The following PPP6R3 variants were observed in gnomAD, a reference collection of about 807,000 sequenced individuals.
The protein encoded by PPP6R3 is protein phosphatase 6 regulatory subunit 3.
A neutral mutation model predicts 110.7 loss-of-function variants in PPP6R3; 38 were observed. The observed-to-expected ratio is 0.34, with a 90% confidence interval of 0.26 to 0.45. PPP6R3 has a LOEUF of 0.45. Ranked by LOEUF, PPP6R3 falls within the 20% of genes least tolerant of loss-of-function variation. The probability of loss-of-function intolerance (pLI) is 1.00; values close to 1 mark genes in which losing one functional copy is unlikely to be tolerated. For synonymous variants in PPP6R3, 369 were observed against 373.5 expected (o/e 0.99, Z 0.14); for missense variants, 870 against 1,062.4 (o/e 0.82, Z 2.52).
chr11:68,569,747 G>T lies in PPP6R3; in HGVS notation c.1129-1G>T. 6.4e-7 allele frequency: 1 copy of T among 1,566,562 alleles called. No individual in the cohort carries two copies. The highest frequency in any genetic ancestry group is 1.2e-5 in the South Asian group (1 of 84,626). On this transcript the variant is annotated splice_acceptor_variant, in intron 10 of 23. Coordinates refer to ENST00000393800, the MANE Select transcript of PPP6R3 (RefSeq NM_001164161.2). LOFTEE classifies it high-confidence loss of function. ...TAAAACATGGTTTTTCTTTTTTGTAGAACATGTTCTTCAAGTATACATGGA... is the reference window on the plus strand; with the variant it reads ...TAAAACATGGTTTTTCTTTTTTGTATAACATGTTCTTCAAGTATACATGGA...
chr11:68,551,117 A>C lies in PPP6R3; in HGVS notation c.553-4A>C. ...TATGATTACTTCTACAATGTGTTTT[A>C]CAGTGGTTAAATGAGGAGAAAATTA... is the stretch of plus-strand genomic sequence containing the variant. On this transcript the variant is annotated splice_polypyrimidine_tract_variant and splice_region_variant and intron_variant, in intron 5 of 23. Transcript: ENST00000393800. The C allele has an allele frequency of 6.3e-7, 1 of 1,598,496 alleles. No individual in the cohort carries two copies.
At chr11:68,570,716 T>C (rs74336421) in intron 11 of PPP6R3, among the ~76,000 whole-genome samples, 7,418 of 152,334 alleles carry the variant, frequency 0.049, 641 homozygotes, top group African/African-American at 0.17. Flanking sequence ...CATTTTAATT[T>C]AGCTCAGGTT....
chr11:68,547,500 T>G (rs898049412), intron 4 of PPP6R3, among the ~76,000 whole-genome samples: 9 of 152,160 alleles, frequency 5.9e-5, no homozygotes, highest in African/African-American at 2.2e-4. Flanking sequence ...TCAGGGTAGC[T>G]CTCTGCCTCT....
chr11:68,547,851 C>T (rs555700146), intron 4 of PPP6R3, among the ~76,000 whole-genome samples: 70 of 151,920 alleles, frequency 4.6e-4, no homozygotes, highest in African/African-American at 1.7e-3. Flanking sequence ...TATTAATGGA[C>T]GTGCTAATTT....
chr11:68,590,769 T>C (rs1593732772), intron 17 of PPP6R3, 55 bp downstream of exon 17: 1 of 1,484,294 alleles, frequency 6.7e-7, no homozygotes, highest in East Asian at 2.4e-5. Flanking sequence ...AAAAATTGGG[T>C]GAGTCCCTGT....
intron 1 of PPP6R3, among the ~76,000 whole-genome samples, chr11:68,514,712 G>A (rs985068957): frequency 7.9e-5 from 12 of 152,200 alleles, no homozygotes; most frequent in African/African-American, 2.9e-4. Context: ...AGGCTCCCAA[G>A]TAGCTGGGAT....
chr11:68,491,713 A>G (rs1273994084), intron 1 of PPP6R3, among the ~76,000 whole-genome samples: 1 of 152,106 alleles, frequency 6.6e-6, no homozygotes, highest in African/African-American at 2.4e-5. Flanking sequence ...TTGATCAACC[A>G]TCATCACCAC....
In PPP6R3 at chr11:68,607,805, G is replaced by A. The variant is rs541254224; in HGVS notation, c.2451-2099G>A. 4.6e-5 allele frequency among the ~76,000 whole-genome samples: 7 copies of A among 150,602 alleles called. 1 individual carries two copies. In the South Asian group the frequency reaches 1.0e-3, roughly 23 times the overall value. ...TTTTTTTTTTTTAACACGAGGTCTC[G>A]CTCTGTTGCCCAGGCTGGAATGCAG... On this transcript the variant is annotated intron_variant, in intron 22 of 23. Transcript: ENST00000393800.
At chr11:68,473,152 A>T (rs1282702425) in intron 1 of PPP6R3, among the ~76,000 whole-genome samples, 5 of 152,162 alleles carry the variant, frequency 3.3e-5, no homozygotes, top group Non-Finnish European at 7.3e-5. Context: ...AGGTAGCTTC[A>T]GGTTAGGGGC....
At chr11:68,519,404 T>C (rs2099152888) in intron 1 of PPP6R3, 97 bp from the exon 2 acceptor site, 1 of 389,746 alleles carries the variant, frequency 2.6e-6, no homozygotes, top group Non-Finnish European at 4.5e-6. Context: ...TATAGTTCTG[T>C]GTGGCCCAAG....
intron 7 of PPP6R3, 193 bp from the exon 8 acceptor site, chr11:68,558,373 T>C: frequency 2.5e-6 from 1 of 397,418 alleles, no homozygotes. Flanking sequence ...TGTGTTTGTG[T>C]GCGGGTGCAT....
At chr11:68,500,991 T>C (rs2099045780) in intron 1 of PPP6R3, among the ~76,000 whole-genome samples, 1 of 152,208 alleles carries the variant, frequency 6.6e-6, no homozygotes, top group Admixed American at 6.5e-5. Flanking sequence ...CCAGTGGCAG[T>C]CTGGTCATCT....
At chr11:68,477,399 A>G (rs2098840148) in intron 1 of PPP6R3, among the ~76,000 whole-genome samples, 1 of 151,618 alleles carries the variant, frequency 6.6e-6, no homozygotes. Context: ...ATGCTTTTTC[A>G]GCTCTGTGAT....
In PPP6R3 at chr11:68,614,548, T is replaced by C; in HGVS notation, c.*1431T>C. ...TTTAGAAGTAGCATCCCAAGCAGCG[T>C]GCCTAAACATTACATTGCATATGGA... is the stretch of plus-strand genomic sequence containing the variant. On this transcript the variant is annotated 3_prime_UTR_variant, in exon 24 of 24. Transcript: ENST00000393800. 6.7e-7 allele frequency: 1 copy of C among 1,483,428 alleles called. No homozygotes were observed. Among genetic ancestry groups the C allele is most frequent in the Non-Finnish European group, 8.9e-7 (1 of 1,127,632 alleles). 91.9% of individuals were successfully genotyped at this position (1,483,428 alleles called of 1,614,324 possible).
At position 68,468,402 on chromosome 11, in the gene PPP6R3, A is replaced by G. The variant is rs113132142; in HGVS notation, c.-158+7575A>G. On this transcript the variant is annotated intron_variant, in intron 1 of 23. Transcript: ENST00000393800. ...GTCTCATCTGTCTCTTTTGTCTGCA[A>G]GTGAGACCCTGCCCCTTCTGAGTAA... Among the ~76,000 whole-genome samples the G allele has an allele frequency of 3.5e-3, 527 of 152,324 alleles. 8 individuals carry two copies. Among genetic ancestry groups the G allele is most frequent in the African/African-American group, 0.012 (503 of 41,568 alleles).
intron 4 of PPP6R3, among the ~76,000 whole-genome samples, chr11:68,545,804 A>G (rs533761923): frequency 6.6e-6 from 1 of 152,364 alleles, no homozygotes; most frequent in South Asian, 2.1e-4. Context: ...TGTTGTGAAA[A>G]AGGATCTGCT....
chr11:68,518,903 A>G (rs542103011), intron 1 of PPP6R3, among the ~76,000 whole-genome samples: 46 of 152,330 alleles, frequency 3.0e-4, no homozygotes, highest in South Asian at 2.1e-4. Context: ...AATTAGTTCA[A>G]TGTCCACAGT....
intron 1 of PPP6R3, among the ~76,000 whole-genome samples, chr11:68,505,781 G>GA (rs1350321548): frequency 6.6e-6 from 1 of 152,104 alleles, no homozygotes; most frequent in East Asian, 1.9e-4. Flanking sequence ...CTGTGGAACT[G>GA]GACAGCTCAG....
At chr11:68,574,403 G>A (rs3824851) in intron 13 of PPP6R3, among the ~76,000 whole-genome samples, 179 bp downstream of exon 13, 1 of 152,082 alleles carries the variant, frequency 6.6e-6, no homozygotes, top group Admixed American at 6.6e-5. Flanking sequence ...TTTTTTGGTT[G>A]TATTTATGTT....
Sources: allele counts gnomAD v4.1 joint callset (sites outside exome capture counted in the v4.1 genomes callset), GRCh38; gene constraint gnomAD v4.1.1; transcripts MANE v1.5; gene names NCBI Gene and HGNC (gene_info 2026-07-23, HGNC 2026-07-21).